The following DLGAP2 variants were observed in gnomAD, a reference collection of about 807,000 sequenced individuals.
DLGAP2 encodes disks large-associated protein 2.
In DLGAP2, 26 loss-of-function variants were observed where a neutral mutation model predicts 100.3. That is an observed-to-expected ratio of 0.26 (90% CI 0.19 to 0.36). The LOEUF (loss-of-function observed/expected upper bound fraction) is 0.36, where lower values mean the gene tolerates loss of function less well. Among genes scored for constraint, DLGAP2 ranks in the 10% least tolerant of loss-of-function variants. DLGAP2 has a pLI of 1.00. For missense variants in DLGAP2, 1,858 were observed against 1,453.2 expected (o/e 1.28, Z -4.53); for synonymous variants, 886 against 630.1 (o/e 1.41, Z -6.08).
chr8:839,726 G>A (rs1796946535), intron 1 of DLGAP2, among the ~76,000 whole-genome samples: 1 of 152,202 alleles, frequency 6.6e-6, no homozygotes, highest in South Asian at 2.1e-4. Flanking sequence ...CTGTCCTGAT[G>A]CTCATGATTA....
intron 1 of DLGAP2, chr8:739,606 G>T (rs536686810): frequency 6.6e-6 from 1 of 152,232 alleles, no homozygotes; most frequent in Non-Finnish European, 1.5e-5. Flanking sequence ...TGAAAAAATG[G>T]TAATTCTTGG....
intron 3 of DLGAP2, among the ~76,000 whole-genome samples, chr8:1,482,310 G>A (rs1355806076): frequency 6.6e-6 from 1 of 152,200 alleles, no homozygotes; most frequent in Non-Finnish European, 1.5e-5. Flanking sequence ...ACAGCACCGT[G>A]GTCAACGCTG....
chr8:1,617,646 C>A (rs1797200635), intron 6 of DLGAP2, among the ~76,000 whole-genome samples: 2 of 152,126 alleles, frequency 1.3e-5, no homozygotes, highest in South Asian at 4.1e-4. Flanking sequence ...GAAATATTTT[C>A]TCCCATTTTG....
At chr8:838,644 AT>A (rs201312054) in intron 1 of DLGAP2, among the ~76,000 whole-genome samples, 7 of 149,678 alleles carry the variant, frequency 4.7e-5, no homozygotes, top group African/African-American at 1.2e-4. Context: ...GCTCTTGTAC[AT>A]TTTTTTTTTA....
At chr8:781,539 T>C (rs990832179) in intron 1 of DLGAP2, among the ~76,000 whole-genome samples, 3 of 152,192 alleles carry the variant, frequency 2.0e-5, no homozygotes, top group African/African-American at 7.2e-5. Context: ...GTGACAGCCC[T>C]CTCAAAAGTG....
intron 2 of DLGAP2, among the ~76,000 whole-genome samples, chr8:1,027,321 G>A (rs1801829112): frequency 6.6e-6 from 1 of 152,178 alleles, no homozygotes; most frequent in Non-Finnish European, 1.5e-5. Flanking sequence ...TCCAGATGGG[G>A]TGCCAGGCAC....
intron 1 of DLGAP2, among the ~76,000 whole-genome samples, chr8:785,480 C>CT (rs2132630588): frequency 7.3e-6 from 1 of 137,012 alleles, no homozygotes; most frequent in Non-Finnish European, 1.6e-5. Flanking sequence ...CTCCCCTCAG[C>CT]CCCTGTGAGA....
chr8:874,373 G>A (rs532106255), intron 1 of DLGAP2, among the ~76,000 whole-genome samples: 1 of 152,086 alleles, frequency 6.6e-6, no homozygotes, highest in Non-Finnish European at 1.5e-5. Context: ...TGCTTTGGCT[G>A]CATCTCATAA....
chr8:1,245,381 G>T (rs1255037483), intron 2 of DLGAP2, among the ~76,000 whole-genome samples: 1 of 152,156 alleles, frequency 6.6e-6, no homozygotes, highest in Non-Finnish European at 1.5e-5. Flanking sequence ...AATATGCTGT[G>T]GTCCATCCAT....
chr8:994,349 G>A (rs910720087), intron 2 of DLGAP2, among the ~76,000 whole-genome samples: 1 of 151,912 alleles, frequency 6.6e-6, no homozygotes, highest in African/African-American at 2.4e-5. Flanking sequence ...TACAGGCATG[G>A]GCCACCATGC....
intron 3 of DLGAP2, among the ~76,000 whole-genome samples, chr8:1,325,373 C>G (rs935188681): frequency 1.3e-5 from 2 of 152,238 alleles, no homozygotes; most frequent in Admixed American, 6.5e-5. Flanking sequence ...AGGGGGCGTC[C>G]TCCCACCTCC....
intron 2 of DLGAP2, among the ~76,000 whole-genome samples, chr8:1,239,546 C>G (rs868653913): frequency 2.2e-4 from 26 of 115,998 alleles, no homozygotes; most frequent in African/African-American, 7.5e-4. Context: ...AGTTCTCTCA[C>G]ATGGCGCCGT....
At chr8:887,583 C>T (rs942777283) in intron 1 of DLGAP2, among the ~76,000 whole-genome samples, 2 of 152,190 alleles carry the variant, frequency 1.3e-5, no homozygotes, top group Admixed American at 1.3e-4. Context: ...AATGAAATCC[C>T]TCAGCATTTT....
intron 3 of DLGAP2, among the ~76,000 whole-genome samples, chr8:1,455,470 C>T (rs1798286041): frequency 6.8e-6 from 1 of 147,388 alleles, no homozygotes; most frequent in East Asian, 1.9e-4. Context: ...AACATTCGGG[C>T]CTGAGCCTAG....
At chr8:1,053,059 G>A (rs1443632791) in intron 2 of DLGAP2, among the ~76,000 whole-genome samples, 2 of 152,188 alleles carry the variant, frequency 1.3e-5, no homozygotes, top group Non-Finnish European at 2.9e-5. Context: ...GAATTTACAT[G>A]TGGAGTAACA....
intron 14 of DLGAP2, 129 bp from the exon 15 acceptor site, chr8:1,701,059 G>C: frequency 2.5e-6 from 2 of 790,882 alleles, no homozygotes; most frequent in Non-Finnish European, 4.0e-6. Flanking sequence ...ACGGGGGACG[G>C]GAGTGAAGGA....
intron 2 of DLGAP2, among the ~76,000 whole-genome samples, chr8:1,217,215 G>C (rs1336594728): frequency 6.6e-6 from 1 of 152,132 alleles, no homozygotes; most frequent in East Asian, 1.9e-4. Context: ...GGAGTATTTA[G>C]TTTTCTGTCT....
intron 2 of DLGAP2, among the ~76,000 whole-genome samples, chr8:1,227,557 A>G (rs1798448180): frequency 6.6e-6 from 1 of 151,516 alleles, no homozygotes; most frequent in Non-Finnish European, 1.5e-5. Flanking sequence ...GCAGTGGCAC[A>G]ATCCTGGCTC....
chr8:1,038,779 A>G (rs1053493181), intron 2 of DLGAP2, among the ~76,000 whole-genome samples: 2 of 152,232 alleles, frequency 1.3e-5, no homozygotes, highest in Non-Finnish European at 2.9e-5. Context: ...GGAGTTATGT[A>G]TGTATGTATA....
Sources: gnomAD v4.1 joint callset for allele counts (sites outside exome capture counted in the v4.1 genomes callset) on GRCh38, gnomAD v4.1.1 for gene constraint, MANE v1.5 for transcripts, NCBI Gene and HGNC (gene_info 2026-07-23, HGNC 2026-07-21) for gene names.